REEP1: variants seen among roughly 807,000 people sequenced by gnomAD.
The protein encoded by REEP1 is receptor expression-enhancing protein 1.
REEP1 carries 22 observed loss-of-function variants against 40.3 expected under a neutral mutation model. That is an observed-to-expected ratio of 0.55 (90% CI 0.39 to 0.78). The LOEUF (loss-of-function observed/expected upper bound fraction) is 0.78, where lower values mean the gene tolerates loss of function less well. Among genes scored for constraint, REEP1 ranks in the 30% least tolerant of loss-of-function variants. The pLI, the probability that REEP1 is intolerant of heterozygous loss-of-function variation, is 0.00. For missense variants in REEP1, 280 were observed against 361.1 expected (o/e 0.78, Z 1.82); for synonymous variants, 116 against 139.2 (o/e 0.83, Z 1.17).
intron 7 of REEP1, among the ~76,000 whole-genome samples, chr2:86,222,451 G>A (rs1674481678): frequency 6.6e-6 from 1 of 152,234 alleles, no homozygotes; most frequent in East Asian, 1.9e-4. Flanking sequence ...CACTGTGTCC[G>A]CTGAGCATTT....
At chr2:86,324,104 T>G (rs1027312798) in intron 1 of REEP1, among the ~76,000 whole-genome samples, 4 of 152,198 alleles carry the variant, frequency 2.6e-5, no homozygotes, top group Middle Eastern at 3.4e-3. Flanking sequence ...TTCACAATTT[T>G]ATTTTCCTAG....
At chr2:86,297,305 T>G (rs1173054522) in intron 1 of REEP1, among the ~76,000 whole-genome samples, 1 of 152,220 alleles carries the variant, frequency 6.6e-6, no homozygotes, top group East Asian at 1.9e-4. Context: ...TACCACTTAC[T>G]AGACATGGGT....
chr2:86,261,958 A>C (rs1483521382), intron 3 of REEP1, among the ~76,000 whole-genome samples: 1 of 152,246 alleles, frequency 6.6e-6, no homozygotes, highest in African/African-American at 2.4e-5. Flanking sequence ...CATATCTAAA[A>C]GCACAGCACT....
chr2:86,264,999 G>A (rs1677063590), intron 2 of REEP1, among the ~76,000 whole-genome samples: 1 of 152,172 alleles, frequency 6.6e-6, no homozygotes, highest in Non-Finnish European at 1.5e-5. Context: ...TGCCAGAGAT[G>A]CTGGAAGTGG....
chr2:86,231,379 G>A (rs527676531), intron 6 of REEP1, among the ~76,000 whole-genome samples: 17 of 152,326 alleles, frequency 1.1e-4, no homozygotes, highest in African/African-American at 3.4e-4. Flanking sequence ...TAAGACCTGC[G>A]AAGGGCCAAG....
chr2:86,301,407 T>G (rs1679251826), intron 1 of REEP1, among the ~76,000 whole-genome samples: 1 of 152,228 alleles, frequency 6.6e-6, no homozygotes, highest in Admixed American at 6.5e-5. Context: ...CTCATCTCAT[T>G]TCTACCACGT....
chr2:86,325,591 A>T (rs574567637), intron 1 of REEP1, among the ~76,000 whole-genome samples: 2 of 152,216 alleles, frequency 1.3e-5, no homozygotes, highest in South Asian at 4.1e-4. Context: ...AGGAAGATGT[A>T]AGGGCAGAAC....
At position 86,217,666 on chromosome 2, in the gene REEP1, A is replaced by ATTTTTTTTTT. The variant is rs10668934; in HGVS notation, c.784-566_784-557dup. On this transcript the variant is annotated intron_variant, in intron 8 of 8. Coordinates refer to ENST00000538924, the MANE Select transcript of REEP1 (RefSeq NM_001371279.1). Reference sequence around the variant, plus strand: ...GAGTCAGAAGTGTTTGGGATTTCAGATTTTTTTTTTTTTTTTTTCAGATTT... The same window carrying ATTTTTTTTTT: ...GAGTCAGAAGTGTTTGGGATTTCAGATTTTTTTTTTTTTTTTTTTTTTTTTTTTCAGATTT... 7.1e-3 allele frequency among the ~76,000 whole-genome samples: 799 copies of ATTTTTTTTTT among 112,744 alleles called. 15 individuals are homozygous for ATTTTTTTTTT. Among genetic ancestry groups the ATTTTTTTTTT allele is most frequent in the East Asian group, 0.019 (29 of 1,560 alleles). 74.0% of individuals were successfully genotyped at this position (112,744 alleles called of 152,430 possible).
intron 2 of REEP1, among the ~76,000 whole-genome samples, chr2:86,277,413 AG>A (rs1677821021): frequency 6.6e-6 from 1 of 152,068 alleles, no homozygotes; most frequent in African/African-American, 2.4e-5. Context: ...AAAATTAGCC[AG>A]GCATGGTGCT....
intron 5 of REEP1, among the ~76,000 whole-genome samples, chr2:86,236,620 G>A (rs949457748): frequency 2.6e-5 from 4 of 152,174 alleles, no homozygotes; most frequent in South Asian, 2.1e-4. Flanking sequence ...AGACCAGCCC[G>A]GGCAACATAG....
intron 1 of REEP1, among the ~76,000 whole-genome samples, chr2:86,316,670 C>CCT (rs1680028360): frequency 6.6e-6 from 1 of 151,766 alleles, no homozygotes; most frequent in African/African-American, 2.4e-5. Flanking sequence ...ACCAGCCTGG[C>CCT]CAACATGGTG....
chr2:86,291,377 T>A (rs1558918551), intron 1 of REEP1, among the ~76,000 whole-genome samples: 1 of 152,172 alleles, frequency 6.6e-6, no homozygotes, highest in African/African-American at 2.4e-5. Flanking sequence ...TAAACGAGGT[T>A]CTCTCCCGAC....
At chr2:86,326,736 A>G (rs943367444) in intron 1 of REEP1, among the ~76,000 whole-genome samples, 2 of 152,062 alleles carry the variant, frequency 1.3e-5, no homozygotes, top group African/African-American at 2.4e-5. Flanking sequence ...AAAATAAAAA[A>G]TCATAAAGTT....
intron 3 of REEP1, among the ~76,000 whole-genome samples, chr2:86,258,034 G>T (rs4832263): frequency 0.36 from 55,086 of 152,166 alleles, 12,017 homozygotes; most frequent in East Asian, 0.58. Flanking sequence ...AGCTACAAGG[G>T]AACCTCTTTG....
In REEP1 at chr2:86,264,044, G is replaced by GT. The variant is rs751043227; in HGVS notation, c.106-4dup. The GT allele has an allele frequency of 9.9e-6, 16 of 1,611,078 alleles. No homozygotes were observed. In the Admixed American group the frequency reaches 2.7e-4, roughly 27 times the overall value. On this transcript the variant is annotated splice_region_variant and splice_polypyrimidine_tract_variant and intron_variant, in intron 2 of 8. Coordinates refer to ENST00000538924, the MANE Select transcript of REEP1 (RefSeq NM_001371279.1). ...ATCCAGTACATCATCCATTTGACCT[G>GT]TTGAAACAGAAAGCAACACAGCTGG...
At chr2:86,226,136 CA>C (rs1316498446) in intron 7 of REEP1, among the ~76,000 whole-genome samples, 4 of 151,362 alleles carry the variant, frequency 2.6e-5, no homozygotes, top group Non-Finnish European at 5.9e-5. Flanking sequence ...CCACCACCAC[CA>C]CCATCATCAT....
chr2:86,324,201 T>C (rs927469197), intron 1 of REEP1, among the ~76,000 whole-genome samples: 4 of 152,058 alleles, frequency 2.6e-5, no homozygotes, highest in African/African-American at 9.7e-5. Flanking sequence ...ATGTAGACTA[T>C]AAAAAATGAT....
intron 1 of REEP1, among the ~76,000 whole-genome samples, chr2:86,317,631 C>G (rs902789506): frequency 6.6e-6 from 1 of 152,218 alleles, no homozygotes; most frequent in Non-Finnish European, 1.5e-5. Context: ...CCACCTGTCA[C>G]CACTGTGTTC....
intron 2 of REEP1, among the ~76,000 whole-genome samples, chr2:86,265,430 C>T (rs1677080279): frequency 6.6e-6 from 1 of 152,232 alleles, no homozygotes; most frequent in South Asian, 2.1e-4. Flanking sequence ...ACGTATCTAG[C>T]TGCCACAGGG....
Sources: gnomAD v4.1 joint callset for allele counts (sites outside exome capture counted in the v4.1 genomes callset) on GRCh38, gnomAD v4.1.1 for gene constraint, MANE v1.5 for transcripts, NCBI Gene and HGNC (gene_info 2026-07-23, HGNC 2026-07-21) for gene names.